The following DGKB variants were observed in gnomAD, a reference collection of about 807,000 sequenced individuals.
The protein encoded by DGKB is 90 kDa diacylglycerol kinase.
A neutral mutation model predicts 114.3 loss-of-function variants in DGKB; 67 were observed. That is an observed-to-expected ratio of 0.59 (90% CI 0.48 to 0.72). The LOEUF (loss-of-function observed/expected upper bound fraction) is 0.72, where lower values mean the gene tolerates loss of function less well. Among genes scored for constraint, DGKB ranks in the 30% least tolerant of loss-of-function variants. DGKB has a pLI of 0.00. For missense variants in DGKB, 907 were observed against 975.2 expected (o/e 0.93, Z 0.93); for synonymous variants, 398 against 323.1 (o/e 1.23, Z -2.49).
intron 1 of DGKB, among the ~76,000 whole-genome samples, chr7:14,901,605 A>ACCCCCCCCCCCCCCCCCCCTCCCC (rs1300363624): frequency 8.9e-5 from 11 of 123,096 alleles, no homozygotes; most frequent in South Asian, 3.0e-4. Flanking sequence ...AGGGATTTCC[A>ACCCCCCCCCCCCCCCCCCCTCCCC]CCCCCCCCCA....
At chr7:14,643,008 C>A (rs902607603) in intron 13 of DGKB, among the ~76,000 whole-genome samples, 6 of 152,064 alleles carry the variant, frequency 3.9e-5, no homozygotes, top group African/African-American at 1.4e-4. Context: ...CTAGAGGAAC[C>A]TAGCACTCAT....
At chr7:14,375,154 T>C (rs553493412) in intron 21 of DGKB, among the ~76,000 whole-genome samples, 23 of 152,314 alleles carry the variant, frequency 1.5e-4, no homozygotes, top group Admixed American at 1.2e-3. Context: ...GTTTATGGCA[T>C]ATGCCACATA....
chr7:14,416,450 T>C (rs1825741862), intron 21 of DGKB, among the ~76,000 whole-genome samples: 1 of 152,132 alleles, frequency 6.6e-6, no homozygotes, highest in Admixed American at 6.6e-5. Context: ...GACCAAAATC[T>C]TACCTTTGGC....
chr7:14,220,208 G>C (rs969924115), intron 23 of DGKB, among the ~76,000 whole-genome samples: 10 of 151,480 alleles, frequency 6.6e-5, no homozygotes, highest in African/African-American at 2.4e-4. Context: ...ACATAGAAGA[G>C]GTACAGTAAA....
chr7:14,777,539 G>C (rs1262063651), intron 2 of DGKB, among the ~76,000 whole-genome samples: 1 of 152,220 alleles, frequency 6.6e-6, no homozygotes, highest in East Asian at 1.9e-4. Context: ...GGTTTAATAA[G>C]GGGCTTTTCT....
intron 23 of DGKB, among the ~76,000 whole-genome samples, chr7:14,181,417 A>G (rs1007912703): frequency 1.3e-5 from 2 of 152,228 alleles, no homozygotes; most frequent in African/African-American, 4.8e-5. Flanking sequence ...CATGCATAGA[A>G]CAGCTGTTCT....
chr7:14,520,896 T>C (rs1274075307), intron 20 of DGKB, among the ~76,000 whole-genome samples: 1 of 152,146 alleles, frequency 6.6e-6, no homozygotes, highest in Non-Finnish European at 1.5e-5. Flanking sequence ...ATCTTCATTA[T>C]TAAATGATTC....
intron 25 of DGKB, among the ~76,000 whole-genome samples, chr7:14,153,392 T>C (rs1782513564): frequency 6.6e-6 from 1 of 152,136 alleles, no homozygotes; most frequent in African/African-American, 2.4e-5. Context: ...ATTGAAATTA[T>C]TTTAAAAATA....
chr7:14,353,491 T>C (rs1328399398), intron 21 of DGKB, among the ~76,000 whole-genome samples: 1 of 152,058 alleles, frequency 6.6e-6, no homozygotes, highest in African/African-American at 2.4e-5. Context: ...CTTGCCCCTA[T>C]GAAGGAAAAG....
At chr7:14,842,670 A>C (rs1848098074) in intron 1 of DGKB, among the ~76,000 whole-genome samples, 1 of 152,180 alleles carries the variant, frequency 6.6e-6, no homozygotes, top group Admixed American at 6.5e-5. Flanking sequence ...GGTTACAGGC[A>C]GTTTTGGTGG....
chr7:14,581,514 A>AT (rs1278090173), intron 18 of DGKB, among the ~76,000 whole-genome samples: 3 of 152,210 alleles, frequency 2.0e-5, no homozygotes, highest in Non-Finnish European at 4.4e-5. Context: ...ATACAACGAG[A>AT]TCAGCAGGTT....
At chr7:14,413,499 TA>T in intron 21 of DGKB, among the ~76,000 whole-genome samples, 1 of 152,110 alleles carries the variant, frequency 6.6e-6, no homozygotes, top group African/African-American at 2.4e-5. Context: ...CTGGGTTGTA[TA>T]TAAAAGTTAC....
chr7:14,345,470 T>G, intron 21 of DGKB, 79 bp from the exon 22 acceptor site: 1 of 706,342 alleles, frequency 1.4e-6, no homozygotes, highest in South Asian at 1.7e-5. Flanking sequence ...TAACTCTGTC[T>G]TGTGTTATAA....
chr7:14,849,962 T>C (rs1479377019), intron 1 of DGKB, among the ~76,000 whole-genome samples: 1 of 152,130 alleles, frequency 6.6e-6, no homozygotes, highest in African/African-American at 2.4e-5. Flanking sequence ...AGTTCTTATA[T>C]TTAGAGATTA....
At chr7:14,909,578 G>A (rs1326507387) in intron 1 of DGKB, among the ~76,000 whole-genome samples, 1 of 152,026 alleles carries the variant, frequency 6.6e-6, no homozygotes, top group Non-Finnish European at 1.5e-5. Flanking sequence ...GAGGTTTCTT[G>A]GCTAGTATAA....
At chr7:14,264,192 T>A (rs1797173538) in intron 23 of DGKB, among the ~76,000 whole-genome samples, 1 of 152,216 alleles carries the variant, frequency 6.6e-6, no homozygotes. Flanking sequence ...GACTGTTATA[T>A]GTTCTGTTCT....
intron 2 of DGKB, among the ~76,000 whole-genome samples, chr7:14,782,865 T>C (rs1394035002): frequency 6.6e-6 from 1 of 152,054 alleles, no homozygotes; most frequent in Non-Finnish European, 1.5e-5. Flanking sequence ...GATGCGGTCT[T>C]GTTCTGTGGC....
intron 1 of DGKB, among the ~76,000 whole-genome samples, chr7:14,864,711 G>C (rs1587000278): frequency 6.6e-6 from 1 of 151,850 alleles, no homozygotes; most frequent in African/African-American, 2.4e-5. Flanking sequence ...CTTAAAGACA[G>C]AGAAATGTAC....
chr7:14,904,700 G>C (rs561029655), upstream of DGKB, among the ~76,000 whole-genome samples: 1 of 152,218 alleles, frequency 6.6e-6, no homozygotes, highest in African/African-American at 2.4e-5. Context: ...ATAGCATCCA[G>C]AATTTTTTAA....
Sources: allele counts gnomAD v4.1 joint callset (sites outside exome capture counted in the v4.1 genomes callset), GRCh38; gene constraint gnomAD v4.1.1; transcripts MANE v1.5; gene names NCBI Gene and HGNC (gene_info 2026-07-23, HGNC 2026-07-21).